Variants in RTKN2 observed in about 807,000 individuals in gnomAD.
The protein encoded by RTKN2 is rhotekin 2, also known as rhotekin-2.
A neutral mutation model predicts 71.5 loss-of-function variants in RTKN2; 69 were observed. That is an observed-to-expected ratio of 0.96 (90% confidence interval 0.79 to 1.18). The LOEUF (loss-of-function observed/expected upper bound fraction) is 1.18, where lower values mean the gene tolerates loss of function less well. Ranked by LOEUF, RTKN2 falls within the 50% of genes most tolerant of loss-of-function variation. The probability of loss-of-function intolerance (pLI) is 0.00; values close to 1 mark genes in which losing one functional copy is unlikely to be tolerated. For synonymous variants in RTKN2, 236 were observed against 236.5 expected (o/e 1.00, Z 0.02); for missense variants, 724 against 719.7 (o/e 1.01, Z -0.07).
Position 62,217,108 on chromosome 10 carries a change from T to C in RTKN2, c.1020+10A>G, listed in dbSNP as rs766549681. 7 of 1,548,774 alleles carry C rather than the reference T, an allele frequency of 4.5e-6. No homozygotes were observed. The African/African-American group carries it at 7.0e-5, about 15-fold the overall frequency. ...TGTATATTTTTTTCTCAAAATAGCA[T>C]TTCCTTTACCTTGTTAATGGGTACT... On this transcript the variant is annotated intron_variant, in intron 9 of 11. Coordinates refer to ENST00000373789, the MANE Select transcript of RTKN2 (RefSeq NM_145307.4).
intron 6 of RTKN2, among the ~76,000 whole-genome samples, chr10:62,225,888 TCTC>T (rs1380715927): frequency 4.6e-5 from 7 of 151,852 alleles, no homozygotes; most frequent in Admixed American, 6.6e-5. Flanking sequence ...TTCATGCCAT[TCTC>T]CTCCCTCAGC....
chr10:62,236,220 T>G lies in RTKN2; in HGVS notation c.532A>C (p.Ser178Arg), dbSNP rs1377510681. The G allele has an allele frequency of 1.2e-6, 2 of 1,611,912 alleles. No homozygotes were observed. The highest frequency in any genetic ancestry group is 1.1e-5 in the South Asian group (1 of 91,010). ...ATAGAAGATTCTTCTGTACAGCAAC[T>G]ATACACTTCCACCTTTATCTGAAAG... is the stretch of plus-strand genomic sequence containing the variant. ...PDFQIKVEVY[S>R]CCTEESSITN... The change falls in exon 6 of 12, where the codon AGT becomes CGT. Residue 178 changes from serine to arginine, a missense_variant. Physicochemically the swap from Ser to Arg is moderately radical, Grantham distance 110. Transcript: ENST00000373789.
intron 10 of RTKN2, among the ~76,000 whole-genome samples, chr10:62,201,792 G>A (rs1299747481): frequency 2.0e-5 from 3 of 152,114 alleles, no homozygotes; most frequent in African/African-American, 4.8e-5. Context: ...AGGTATAAAC[G>A]TGTTCATGGG....
At chr10:62,228,757 G>A (rs1325347801) in intron 6 of RTKN2, among the ~76,000 whole-genome samples, 1 of 151,534 alleles carries the variant, frequency 6.6e-6, no homozygotes, top group African/African-American at 2.4e-5. Flanking sequence ...ATGAGGTGAA[G>A]GTAGTTCACA....
intron 2 of RTKN2, 103 bp from the exon 3 acceptor site, chr10:62,246,160 G>A (rs972534703): frequency 2.2e-5 from 15 of 676,436 alleles, no homozygotes; most frequent in Admixed American, 5.9e-5. Context: ...ATGCATATCC[G>A]TGAATAATAA....
intron 8 of RTKN2, among the ~76,000 whole-genome samples, chr10:62,217,644 G>T (rs1841804063): frequency 6.6e-6 from 1 of 152,134 alleles, no homozygotes; most frequent in African/African-American, 2.4e-5. Context: ...TTCCCTTACT[G>T]TTCTCAGAGC....
intron 1 of RTKN2, among the ~76,000 whole-genome samples, chr10:62,264,088 T>C (rs1842826379): frequency 6.6e-6 from 1 of 152,204 alleles, no homozygotes; most frequent in Non-Finnish European, 1.5e-5. Context: ...ATAAAGACTA[T>C]AATTTACCTT....
chr10:62,205,869 G>A (rs940611157), intron 9 of RTKN2, among the ~76,000 whole-genome samples: 13 of 152,116 alleles, frequency 8.5e-5, no homozygotes, highest in Admixed American at 5.9e-4. Context: ...GGGGGATAAA[G>A]TCTGTACTAG....
At chr10:62,223,165 C>T (rs1841945297) in intron 7 of RTKN2, 73 bp downstream of exon 7, 3 of 815,666 alleles carry the variant, frequency 3.7e-6, no homozygotes, top group South Asian at 1.9e-5. Context: ...CCGATATCCA[C>T]TTGAGGGGAA....
intron 6 of RTKN2, among the ~76,000 whole-genome samples, chr10:62,231,772 C>T (rs1256770607): frequency 6.6e-6 from 1 of 152,086 alleles, no homozygotes; most frequent in Middle Eastern, 3.2e-3. Flanking sequence ...TATCATATTA[C>T]TAGGGAAAAT....
intron 2 of RTKN2, among the ~76,000 whole-genome samples, chr10:62,249,377 G>A (rs1047402854): frequency 2.6e-5 from 4 of 151,412 alleles, no homozygotes; most frequent in African/African-American, 7.3e-5. Flanking sequence ...CAGGGGTTGC[G>A]GGGTTGGGGG....
chr10:62,193,641 A>C lies in RTKN2; in HGVS notation c.*4267T>G, dbSNP rs2132771158. ...TCTCCCCCACTCTGAGGCGCTCTGC[A>C]GGAATAAAGTACTGAGGGAGGTACA... On this transcript the variant is annotated 3_prime_UTR_variant, in exon 12 of 12. Transcript: ENST00000373789. 1 of 985,390 alleles carries C rather than the reference A, an allele frequency of 1.0e-6. No homozygotes were observed. Among genetic ancestry groups the C allele is most frequent in the East Asian group, 1.1e-4 (1 of 8,822 alleles). 61.0% of individuals were successfully genotyped at this position (985,390 alleles called of 1,614,324 possible).
chr10:62,197,050 C>G lies in RTKN2; in HGVS notation c.*858G>C. 1 of 976,912 alleles carries G rather than the reference C, an allele frequency of 1.0e-6. No individual in the cohort carries two copies. Among genetic ancestry groups the G allele is most frequent in the Non-Finnish European group, 1.2e-6 (1 of 822,338 alleles). 60.5% of individuals were successfully genotyped at this position (976,912 alleles called of 1,614,324 possible). A position where few individuals can be genotyped will look rare whatever the true frequency, so the allele number is the denominator to read the frequency against. ...AAAAAGAATTCTGAAAATTATTTACCATGGCCAACTTTTCTGATATTTTTG... is the reference window on the plus strand; with the variant it reads ...AAAAAGAATTCTGAAAATTATTTACGATGGCCAACTTTTCTGATATTTTTG... On this transcript the variant is annotated 3_prime_UTR_variant, in exon 12 of 12. Transcript: ENST00000373789.
chr10:62,268,525 G>C (rs1842908037), intron 1 of RTKN2, 26 bp downstream of exon 1: 1 of 1,550,380 alleles, frequency 6.5e-7, no homozygotes, highest in Admixed American at 2.0e-5. Flanking sequence ...CTCACCTTCC[G>C]CGGCAGGGTC....
At chr10:62,256,116 G>C (rs542075187) in intron 2 of RTKN2, among the ~76,000 whole-genome samples, 2 of 151,380 alleles carry the variant, frequency 1.3e-5, no homozygotes, top group East Asian at 3.9e-4. Flanking sequence ...GCTTCTGGAT[G>C]CAAGTGATCC....
chr10:62,229,693 A>C (rs1842107991), intron 6 of RTKN2, among the ~76,000 whole-genome samples: 1 of 152,210 alleles, frequency 6.6e-6, no homozygotes, highest in Admixed American at 6.5e-5. Flanking sequence ...TACTGGGTGC[A>C]CTGGAGAGAT....
At chr10:62,216,413 G>A (rs891501466) in intron 9 of RTKN2, among the ~76,000 whole-genome samples, 16 of 151,920 alleles carry the variant, frequency 1.1e-4, no homozygotes, top group African/African-American at 3.9e-4. Flanking sequence ...AAAAAATGAG[G>A]AAAGAAAAAT....
chr10:62,263,881 T>G (rs1358218595), intron 1 of RTKN2, among the ~76,000 whole-genome samples: 2 of 152,224 alleles, frequency 1.3e-5, no homozygotes, highest in East Asian at 3.8e-4. Flanking sequence ...TATCTTTTAA[T>G]GGCCTGATTC....
In RTKN2 at chr10:62,195,645, AGG is replaced by A; in HGVS notation, c.*2261_*2262del. On this transcript the variant is annotated 3_prime_UTR_variant, in exon 12 of 12. Transcript: ENST00000373789. ...AAGGAAGGAAGGAAGGAAGGAAGGA[AGG>A]AAGGAAGGAAGGAAGGAAGGAAGGA... The A allele has an allele frequency of 1.9e-4, 150 of 796,048 alleles. No homozygotes were observed. The highest frequency in any genetic ancestry group is 1.3e-3 in the Middle Eastern group (2 of 1,528). The allele number at this position is 796,048 out of a possible 1,614,324, so 49.3% of individuals were successfully genotyped here.
Sources: gnomAD v4.1 joint callset for allele counts (sites outside exome capture counted in the v4.1 genomes callset) on GRCh38, gnomAD v4.1.1 for gene constraint, MANE v1.5 for transcripts, NCBI Gene and HGNC (gene_info 2026-07-23, HGNC 2026-07-21) for gene names.